Variants in PEMT observed in about 807,000 individuals in gnomAD.
The protein encoded by PEMT is phosphatidylethanolamine N-methyltransferase.
A neutral mutation model predicts 27.4 loss-of-function variants in PEMT; 23 were observed. The observed-to-expected ratio is 0.84, with a 90% CI of 0.60 to 1.19. The LOEUF is 1.19. Among genes scored for constraint, PEMT ranks in the 50% most tolerant of loss-of-function variants. The pLI, the probability that PEMT is intolerant of heterozygous loss-of-function variation, is 0.00. For missense variants in PEMT, 307 were observed against 310.1 expected (o/e 0.99, Z 0.07); for synonymous variants, 137 against 139.1 (o/e 0.98, Z 0.11).
At chr17:17,563,691 G>A (rs1910642464) in intron 2 of PEMT, among the ~76,000 whole-genome samples, 1 of 152,216 alleles carries the variant, frequency 6.6e-6, no homozygotes, top group Non-Finnish European at 1.5e-5. Context: ...CTGTGTGCCT[G>A]GAGCCCGGCT....
At chr17:17,505,989 A>T in intron 6 of PEMT, 141 bp from the exon 7 acceptor site, 1 of 1,353,788 alleles carries the variant, frequency 7.4e-7, no homozygotes, top group Admixed American at 2.8e-5. Context: ...CTGGGGCAAC[A>T]CTGACTTGGA....
chr17:17,551,236 G>A (rs1024516682), intron 2 of PEMT, among the ~76,000 whole-genome samples: 17 of 152,312 alleles, frequency 1.1e-4, no homozygotes, highest in African/African-American at 2.4e-4. Flanking sequence ...CCAAGACACC[G>A]GAAAGGGGTT....
At chr17:17,556,411 T>A (rs1220884677) in intron 2 of PEMT, among the ~76,000 whole-genome samples, 2 of 151,260 alleles carry the variant, frequency 1.3e-5, no homozygotes, top group Non-Finnish European at 2.9e-5. Flanking sequence ...TCTCGCTCTG[T>A]CGCCCAAGCC....
intron 2 of PEMT, 109 bp downstream of exon 2, chr17:17,576,811 G>GCTGT (rs1363058534): frequency 7.2e-6 from 6 of 828,550 alleles, no homozygotes; most frequent in South Asian, 5.7e-5. Flanking sequence ...GAAGAGCAGA[G>GCTGT]CTGTCTGTCT....
chr17:17,505,639 G>C lies in PEMT; in HGVS notation c.*152C>G. ...AATGGCCATATGTCGGCACGTCCAG[G>C]GTCCCCAAGGCAGCAGGTTCCAAGG... On this transcript the variant is annotated 3_prime_UTR_variant, in exon 7 of 7. Coordinates refer to ENST00000255389, the MANE Select transcript of PEMT (RefSeq NM_148172.3). The C allele has an allele frequency of 2.5e-6, 2 of 790,708 alleles. No homozygotes were observed. The highest frequency in any genetic ancestry group is 3.7e-6 in the Non-Finnish European group (2 of 547,746). The allele number at this position is 790,708 out of a possible 1,614,324, so 49.0% of individuals were successfully genotyped here. A position where few individuals can be genotyped will look rare whatever the true frequency, so the allele number is the denominator to read the frequency against.
chr17:17,573,845 G>C (rs1009586126), intron 2 of PEMT, among the ~76,000 whole-genome samples: 8 of 152,100 alleles, frequency 5.3e-5, no homozygotes, highest in Admixed American at 4.6e-4. Context: ...GCAGTAGTGT[G>C]ATCACAGCTC....
At chr17:17,556,890 C>G (rs940118945) in intron 2 of PEMT, among the ~76,000 whole-genome samples, 1 of 152,238 alleles carries the variant, frequency 6.6e-6, no homozygotes, top group Middle Eastern at 3.4e-3. Flanking sequence ...GTGCTGTGGC[C>G]CACTGCCTCT....
Position 17,527,538 on chromosome 17 carries a change from G to T in PEMT, c.205-5143C>A, listed in dbSNP as rs963455856. 2.6e-5 allele frequency among the ~76,000 whole-genome samples: 4 copies of T among 152,014 alleles called. No individual in the cohort carries two copies. In the East Asian group the frequency reaches 5.8e-4, roughly 22 times the overall value. Reference sequence around the variant, plus strand: ...TTTCCTTTCTCTCTGCCTGTTTCCTGATCTGTAAAATGGAGCTAATAATAC... The same window carrying T: ...TTTCCTTTCTCTCTGCCTGTTTCCTTATCTGTAAAATGGAGCTAATAATAC... On this transcript the variant is annotated intron_variant, in intron 2 of 6. Transcript: ENST00000255389.
chr17:17,531,518 T>C (rs926379618), intron 2 of PEMT, among the ~76,000 whole-genome samples: 1 of 141,938 alleles, frequency 7.0e-6, no homozygotes, highest in African/African-American at 2.6e-5. Flanking sequence ...AAAGTGGAAC[T>C]AACACAACCA....
At chr17:17,549,396 G>A (rs1421749094) in intron 2 of PEMT, among the ~76,000 whole-genome samples, 1 of 151,994 alleles carries the variant, frequency 6.6e-6, no homozygotes, top group East Asian at 1.9e-4. Context: ...CACCATATTG[G>A]CCAGACTGGT....
chr17:17,585,316 C>T (rs1490253806), intron 1 of PEMT, among the ~76,000 whole-genome samples: 6 of 152,052 alleles, frequency 3.9e-5, no homozygotes, highest in African/African-American at 7.2e-5. Flanking sequence ...CCAGCCTGGG[C>T]GACAGAGCGA....
chr17:17,531,619 T>A (rs1276272007), intron 2 of PEMT, among the ~76,000 whole-genome samples: 2 of 39,980 alleles, frequency 5.0e-5, no homozygotes, highest in African/African-American at 1.2e-4. Context: ...GGCTATCATA[T>A]GCAAAAAAAA....
chr17:17,591,887 A>G, upstream of PEMT: 3 of 985,450 alleles, frequency 3.0e-6, no homozygotes, highest in Non-Finnish European at 3.6e-6. Flanking sequence ...CGCTGCAGCT[A>G]CGTAGCAGTA....
chr17:17,550,876 G>A (rs1192283768), intron 2 of PEMT, among the ~76,000 whole-genome samples: 1 of 152,188 alleles, frequency 6.6e-6, no homozygotes, highest in African/African-American at 2.4e-5. Flanking sequence ...AGTCGTGAGA[G>A]CACACAAACT....
chr17:17,516,309 G>A (rs1906831831), intron 3 of PEMT, among the ~76,000 whole-genome samples: 1 of 150,000 alleles, frequency 6.7e-6, no homozygotes, highest in Non-Finnish European at 1.5e-5. Context: ...AACAAAAAAT[G>A]TTCATCTATG....
chr17:17,506,410 C>T (rs1597862690), intron 5 of PEMT, 109 bp from the exon 6 acceptor site: 6 of 751,918 alleles, frequency 8.0e-6, no homozygotes, highest in African/African-American at 1.8e-5. Flanking sequence ...CTCCGGCCGA[C>T]GCTGGGCCAC....
intron 2 of PEMT, among the ~76,000 whole-genome samples, chr17:17,548,038 GC>G (rs1324456609): frequency 6.6e-6 from 1 of 152,214 alleles, no homozygotes; most frequent in Non-Finnish European, 1.5e-5. Context: ...TCTGCTGCAC[GC>G]ACAGCAGCGG....
chr17:17,550,001 G>A (rs183394898), intron 2 of PEMT, among the ~76,000 whole-genome samples: 7 of 152,338 alleles, frequency 4.6e-5, no homozygotes, highest in Admixed American at 2.6e-4. Context: ...GAAAGGCAGG[G>A]TGCTGACGGA....
Position 17,512,047 on chromosome 17 carries a change from G to A in PEMT, c.466+462C>T, listed in dbSNP as rs1369377821. 6.6e-6 allele frequency among the ~76,000 whole-genome samples: 1 copy of A among 152,128 alleles called. No individual in the cohort carries two copies. Among genetic ancestry groups the A allele is most frequent in the Non-Finnish European group, 1.5e-5 (1 of 68,008 alleles). ...ACCAGCCCTGCCTGCGGCCAAACACGGCACAAACCACAATCCTGCCTGGCC... is the reference window on the plus strand; with the variant it reads ...ACCAGCCCTGCCTGCGGCCAAACACAGCACAAACCACAATCCTGCCTGGCC... On this transcript the variant is annotated intron_variant, in intron 4 of 6. Coordinates refer to ENST00000255389, the MANE Select transcript of PEMT (RefSeq NM_148172.3). The surrounding 1 kb of genome is among the most constrained non-coding windows in gnomAD (Gnocchi z 6.3).
Sources: gnomAD v4.1 joint callset for allele counts (sites outside exome capture counted in the v4.1 genomes callset) on GRCh38, gnomAD v4.1.1 for gene constraint, Gnocchi (gnomAD v3.1) non-coding constraint, MANE v1.5 for transcripts, NCBI Gene and HGNC (gene_info 2026-07-23, HGNC 2026-07-21) for gene names.